EYA3: variants seen among roughly 807,000 people sequenced by gnomAD.
EYA3 encodes EYA transcriptional coactivator and phosphatase 3, also known as protein phosphatase EYA3.
Under a neutral mutation model 80.0 loss-of-function variants are expected in EYA3, and 39 were observed. The ratio of observed to expected loss-of-function variants is 0.49; its 90% CI spans 0.38 to 0.64. EYA3 has a LOEUF of 0.64. Ranked by LOEUF, EYA3 falls within the 30% of genes least tolerant of loss-of-function variation. EYA3 has a pLI of 0.00. For synonymous variants in EYA3, 206 were observed against 232.8 expected, an observed-to-expected ratio of 0.88 and a Z score of 1.05; for missense variants, 523 against 676.1, an observed-to-expected ratio of 0.77 and a Z score of 2.51.
rs1036314239 is a variant in EYA3, at chr1:28,065,486, T to C, written c.-68-7392A>G. ...CGGGGTTTCAGCATGTTGACCAGGA[T>C]AGTCTGGATCATGATCCGCCCGCCT... is the stretch of plus-strand genomic sequence containing the variant. On this transcript the variant is annotated intron_variant, in intron 1 of 17. Coordinates refer to ENST00000373871, the MANE Select transcript of EYA3 (RefSeq NM_001990.4). Among the ~76,000 whole-genome samples the C allele has an allele frequency of 5.9e-5, 9 of 151,816 alleles. No homozygotes were observed. In the South Asian group the frequency reaches 1.9e-3, roughly 32 times the overall value.
chr1:27,989,723 T>C lies in EYA3; in HGVS notation c.1392A>G (p.Leu464=). The C allele has an allele frequency of 6.2e-7, 1 of 1,611,940 alleles. No homozygotes were observed. Among genetic ancestry groups the C allele is most frequent in the Non-Finnish European group, 8.5e-7 (1 of 1,178,746 alleles). ...TGGACTGGATGAGAAGTAAGGACTT[T>C]AATGCAGTTCCTAACCAGGAATCTG... ...VLTDSWLGTA[L]KSLLLIQSRK... The change falls in exon 15 of 18, where the codon TTA becomes TTG. Residue 464 remains leucine, a synonymous_variant. Transcript: ENST00000373871.
chr1:28,084,380 C>G (rs1345272419), intron 1 of EYA3, among the ~76,000 whole-genome samples: 1 of 151,302 alleles, frequency 6.6e-6, no homozygotes, highest in African/African-American at 2.4e-5. Context: ...ATACCAGTAT[C>G]AACAGGGTAG....
intron 1 of EYA3, among the ~76,000 whole-genome samples, chr1:28,066,862 C>A (rs1230334758): frequency 6.6e-6 from 1 of 152,100 alleles, no homozygotes; most frequent in Admixed American, 6.5e-5. Flanking sequence ...ATGACTAACT[C>A]ATAAACCTGT....
chr1:28,074,285 T>C (rs1645128691), intron 1 of EYA3, among the ~76,000 whole-genome samples: 1 of 152,178 alleles, frequency 6.6e-6, no homozygotes, highest in Non-Finnish European at 1.5e-5. Context: ...GAGGTAGAAC[T>C]ATACAACATA....
intron 11 of EYA3, among the ~76,000 whole-genome samples, chr1:28,002,274 C>G (rs1469938631): frequency 6.6e-6 from 1 of 152,094 alleles, no homozygotes; most frequent in South Asian, 2.1e-4. Flanking sequence ...GTCTCGAATT[C>G]CTGGCCTCAG....
At chr1:28,031,503 C>G (rs1301708425) in intron 6 of EYA3, among the ~76,000 whole-genome samples, 1 of 152,230 alleles carries the variant, frequency 6.6e-6, no homozygotes, top group Non-Finnish European at 1.5e-5. Context: ...CTCTGAGTGC[C>G]TTCCTGATGC....
chr1:27,999,615 AC>A (rs1398194879), intron 12 of EYA3, among the ~76,000 whole-genome samples: 1 of 152,130 alleles, frequency 6.6e-6, no homozygotes, highest in Non-Finnish European at 1.5e-5. Flanking sequence ...AATCAAACTC[AC>A]TTTATATATA....
intron 1 of EYA3, among the ~76,000 whole-genome samples, chr1:28,067,715 T>G (rs1157269832): frequency 6.6e-6 from 1 of 152,168 alleles, no homozygotes; most frequent in African/African-American, 2.4e-5. Flanking sequence ...AAACTCAGGG[T>G]TGGTTCATTT....
intron 1 of EYA3, among the ~76,000 whole-genome samples, chr1:28,073,996 TG>T (rs995638550): frequency 9.9e-5 from 15 of 152,138 alleles, no homozygotes; most frequent in Non-Finnish European, 2.9e-5. Context: ...TAAACATAGT[TG>T]GAACAATAAA....
Position 28,073,103 on chromosome 1 carries a change from T to TTATA in EYA3, c.-68-15013_-68-15010dup, listed in dbSNP as rs201041762. 3.8e-3 allele frequency among the ~76,000 whole-genome samples: 145 copies of TTATA among 37,750 alleles called. 12 individuals carry two copies. Among genetic ancestry groups the TTATA allele is most frequent in the Non-Finnish European group, 5.3e-3 (125 of 23,430 alleles). 24.8% of individuals were successfully genotyped at this position (37,750 alleles called of 152,430 possible). ...ATCCTTTTTGGGATTGATGAAACTA[T>TTATA]TATATATATATATATATATATATAT... On this transcript the variant is annotated intron_variant, in intron 1 of 17. Coordinates refer to ENST00000373871, the MANE Select transcript of EYA3 (RefSeq NM_001990.4).
At chr1:27,989,958 AT>A in intron 14 of EYA3, 147 bp from the exon 15 acceptor site, 4 of 401,658 alleles carry the variant, frequency 1.0e-5, no homozygotes, top group East Asian at 4.4e-5. Flanking sequence ...ACATATACGT[AT>A]TTTTTTCCCA....
At chr1:28,055,220 G>A (rs1644395138) in intron 2 of EYA3, among the ~76,000 whole-genome samples, 2 of 152,156 alleles carry the variant, frequency 1.3e-5, no homozygotes, top group African/African-American at 2.4e-5. Flanking sequence ...ACTGTAGTGT[G>A]AGGTATTTCT....
chr1:28,014,798 C>T (rs1057001289), intron 8 of EYA3, among the ~76,000 whole-genome samples: 2 of 151,700 alleles, frequency 1.3e-5, no homozygotes, highest in African/African-American at 2.4e-5. Flanking sequence ...TATGGCAAAA[C>T]TTACTAAACT....
chr1:28,020,943 T>C (rs1020855812), intron 7 of EYA3, among the ~76,000 whole-genome samples: 5 of 152,100 alleles, frequency 3.3e-5, no homozygotes, highest in Non-Finnish European at 7.4e-5. Flanking sequence ...AAGACACCAC[T>C]TTTGAGAACC....
At chr1:27,978,573 G>T in intron 16 of EYA3, 99 bp from the exon 17 acceptor site, 1 of 900,502 alleles carries the variant, frequency 1.1e-6, no homozygotes, top group Non-Finnish European at 1.8e-6. Context: ...TGCTTAGGTG[G>T]ACTAAGTGAC....
At chr1:28,007,321 A>ATTTC (rs1019038016) in intron 10 of EYA3, among the ~76,000 whole-genome samples, 6 of 147,394 alleles carry the variant, frequency 4.1e-5, no homozygotes, top group African/African-American at 7.5e-5. Flanking sequence ...TATCAGCTGT[A>ATTTC]TTTCTTTCTT....
Position 28,088,565 on chromosome 1 carries a change from T to G in EYA3, c.-110A>C, listed in dbSNP as rs984322946. 1 of 152,822 alleles carries G rather than the reference T, an allele frequency of 6.5e-6. No individual in the cohort carries two copies. The highest frequency in any genetic ancestry group is 1.5e-5 in the Non-Finnish European group (1 of 68,238). 9.5% of individuals were successfully genotyped at this position (152,822 alleles called of 1,614,324 possible). A position where few individuals can be genotyped will look rare whatever the true frequency, so the allele number is the denominator to read the frequency against. On this transcript the variant is annotated 5_prime_UTR_variant, in exon 1 of 18. Transcript: ENST00000373871. The stretch of plus-strand genomic sequence containing the variant: ...CCCCACAACAGGACATGGAGATCAG[T>G]CCAGACCCACAGTAGAACCAATCGA...
chr1:28,071,593 A>G (rs1645023573), intron 1 of EYA3, among the ~76,000 whole-genome samples: 2 of 152,288 alleles, frequency 1.3e-5, no homozygotes, highest in South Asian at 4.1e-4. Context: ...ACTTTTTTGC[A>G]TGTATTTTTC....
At chr1:28,027,693 G>A in intron 7 of EYA3, 96 bp downstream of exon 7, 7 of 1,504,050 alleles carry the variant, frequency 4.7e-6, no homozygotes, top group Non-Finnish European at 6.4e-6. Context: ...CAGAGCTCCT[G>A]TATTATCCAA....
Sources: gnomAD v4.1 joint callset for allele counts (sites outside exome capture counted in the v4.1 genomes callset) on GRCh38, gnomAD v4.1.1 for gene constraint, MANE v1.5 for transcripts, NCBI Gene and HGNC (gene_info 2026-07-23, HGNC 2026-07-21) for gene names.